Variants in MARCHF1 observed in about 807,000 individuals in gnomAD.
MARCHF1 encodes the protein E3 ubiquitin-protein ligase MARCHF1.
In MARCHF1, 40 loss-of-function variants were observed where a neutral mutation model predicts 54.2. That is an observed-to-expected ratio of 0.74 (90% CI 0.57 to 0.96). The LOEUF (loss-of-function observed/expected upper bound fraction) is 0.96, where lower values mean the gene tolerates loss of function less well. Among genes scored for constraint, MARCHF1 ranks in the 40% least tolerant of loss-of-function variants. The pLI is 0.00. For synonymous variants in MARCHF1, 236 were observed against 236.3 expected, an observed-to-expected ratio of 1.00 and a Z score of 0.01; for missense variants, 586 against 656.5, an observed-to-expected ratio of 0.89 and a Z score of 1.17.
At chr4:163,797,347 GTGTT>G (rs1747946660) in intron 4 of MARCHF1, among the ~76,000 whole-genome samples, 1 of 38,654 alleles carries the variant, frequency 2.6e-5, no homozygotes, top group South Asian at 2.0e-3. Context: ...GTGTGTGTGT[GTGTT>G]TATGTGTGTG....
At chr4:164,061,515 ACT>A (rs913839751) in intron 2 of MARCHF1, among the ~76,000 whole-genome samples, 6 of 85,848 alleles carry the variant, frequency 7.0e-5, no homozygotes, top group African/African-American at 2.5e-4. Flanking sequence ...GGAACATCAC[ACT>A]CTGGGGACTG....
intron 1 of MARCHF1, among the ~76,000 whole-genome samples, chr4:164,303,788 C>T (rs561208197): frequency 1.2e-4 from 18 of 152,094 alleles, no homozygotes; most frequent in Admixed American, 2.0e-4. Context: ...CACAAACACA[C>T]GTACACACAC....
intron 3 of MARCHF1, among the ~76,000 whole-genome samples, chr4:163,929,550 C>T (rs1267176211): frequency 6.6e-6 from 1 of 151,498 alleles, no homozygotes; most frequent in African/African-American, 2.4e-5. Flanking sequence ...ATTTTTTTTC[C>T]CTTCATCAGA....
intron 7 of MARCHF1, among the ~76,000 whole-genome samples, chr4:163,608,725 A>T (rs892308351): frequency 1.3e-5 from 2 of 152,048 alleles, no homozygotes; most frequent in African/African-American, 4.8e-5. Context: ...TAGAGTGTGC[A>T]TGTGGGGACC....
chr4:164,039,803 T>C (rs1754085696), intron 2 of MARCHF1, among the ~76,000 whole-genome samples: 1 of 151,892 alleles, frequency 6.6e-6, no homozygotes. Context: ...AAAATGGAAG[T>C]GGTCTTTACT....
chr4:164,135,843 G>C (rs1267467970), intron 1 of MARCHF1, among the ~76,000 whole-genome samples: 1 of 152,182 alleles, frequency 6.6e-6, no homozygotes, highest in African/African-American at 2.4e-5. Flanking sequence ...TTGTGAAAAT[G>C]CAGAAACTTA....
intron 8 of MARCHF1, chr4:163,556,087 A>G (rs1739275728): frequency 5.3e-6 from 2 of 376,922 alleles, no homozygotes; most frequent in Non-Finnish European, 1.1e-5. Context: ...TCATTATTAG[A>G]TGACATTATT....
chr4:164,243,799 G>T (rs1732852822), intron 1 of MARCHF1, among the ~76,000 whole-genome samples: 1 of 152,044 alleles, frequency 6.6e-6, no homozygotes, highest in South Asian at 2.1e-4. Context: ...AAAGGCAGGG[G>T]TTGCAATCCT....
chr4:163,977,365 TG>T (rs1020753179), intron 3 of MARCHF1, among the ~76,000 whole-genome samples: 2 of 152,014 alleles, frequency 1.3e-5, no homozygotes, highest in African/African-American at 4.8e-5. Flanking sequence ...TTAAGGCACC[TG>T]GGGGGAAATG....
intron 5 of MARCHF1, among the ~76,000 whole-genome samples, chr4:163,620,636 G>A (rs1579120070): frequency 8.7e-6 from 1 of 114,748 alleles, no homozygotes; most frequent in African/African-American, 3.3e-5. Context: ...GAGAGAGAGA[G>A]AGAGAGAGAG....
chr4:164,000,143 T>C (rs994174707), intron 2 of MARCHF1, among the ~76,000 whole-genome samples: 11 of 151,732 alleles, frequency 7.2e-5, no homozygotes, highest in Non-Finnish European at 1.3e-4. Flanking sequence ...AGGCACTCTA[T>C]AGTAATGTTT....
At chr4:163,978,947 C>A (rs2110860789) in intron 3 of MARCHF1, among the ~76,000 whole-genome samples, 1 of 150,484 alleles carries the variant, frequency 6.6e-6, no homozygotes, top group South Asian at 2.1e-4. Flanking sequence ...CGATGCTGGT[C>A]TTGAACTCAT....
intron 5 of MARCHF1, among the ~76,000 whole-genome samples, chr4:163,633,082 C>CA (rs1553999184): frequency 3.9e-5 from 6 of 152,142 alleles, no homozygotes; most frequent in South Asian, 2.1e-4. Flanking sequence ...ACATCCACAC[C>CA]AAAACCCATC....
chr4:163,773,575 C>T (rs1392677474), intron 4 of MARCHF1, among the ~76,000 whole-genome samples: 1 of 152,082 alleles, frequency 6.6e-6, no homozygotes, highest in Non-Finnish European at 1.5e-5. Flanking sequence ...GATGCTCAAA[C>T]AATATAGCAC....
intron 8 of MARCHF1, among the ~76,000 whole-genome samples, chr4:163,548,322 C>T (rs1309181087): frequency 5.3e-5 from 8 of 152,186 alleles, no homozygotes; most frequent in South Asian, 2.1e-4. Flanking sequence ...CTTGCAGTAA[C>T]GAAATATTCA....
At chr4:164,312,080 A>T (rs1317057928) in intron 1 of MARCHF1, among the ~76,000 whole-genome samples, 1 of 152,172 alleles carries the variant, frequency 6.6e-6, no homozygotes, top group Non-Finnish European at 1.5e-5. Flanking sequence ...AGAACAGAAG[A>T]TGGCATTAAT....
chr4:163,530,249 C>A (rs1158643436), intron 9 of MARCHF1: 4 of 151,854 alleles, frequency 2.6e-5, no homozygotes, highest in African/African-American at 9.7e-5. Flanking sequence ...AATAATGAAA[C>A]ATTGAGTATT....
chr4:164,268,835 C>T (rs1579676365), intron 1 of MARCHF1, among the ~76,000 whole-genome samples: 1 of 152,026 alleles, frequency 6.6e-6, no homozygotes, highest in Non-Finnish European at 1.5e-5. Context: ...GTTCAGTTCT[C>T]ACTGTTATTT....
rs372472241 is a variant in MARCHF1, at chr4:163,794,846, CATATAA to C, written c.111+59169_111+59174del. On this transcript the variant is annotated intron_variant, in intron 4 of 9. Coordinates refer to ENST00000514618, the MANE Select transcript of MARCHF1 (RefSeq NM_001394959.1). ...AAACAGAACACATGAACATAAAATG[CATATAA>C]ATATATTTCTGGATTAAAAATAATA... Among the ~76,000 whole-genome samples, 528 of 152,176 alleles carry C rather than the reference CATATAA, an allele frequency of 3.5e-3. 6 individuals carry two copies. The highest frequency in any genetic ancestry group is 0.01 in the Middle Eastern group (3 of 294).
Sources: gnomAD v4.1 joint callset for allele counts (sites outside exome capture counted in the v4.1 genomes callset) on GRCh38, gnomAD v4.1.1 for gene constraint, MANE v1.5 for transcripts, NCBI Gene and HGNC (gene_info 2026-07-23, HGNC 2026-07-21) for gene names.